The following RWDD4 variants were observed in gnomAD, a reference collection of about 807,000 sequenced individuals.
RWDD4 encodes RWD domain-containing protein 4.
Under a neutral mutation model 30.0 loss-of-function variants are expected in RWDD4, and 16 were observed. The ratio of observed to expected loss-of-function variants is 0.53; its 90% CI spans 0.36 to 0.81. RWDD4 has a LOEUF of 0.81. Ranked by LOEUF, RWDD4 falls within the 30% of genes least tolerant of loss-of-function variation. The pLI is 0.00. For missense variants in RWDD4, 170 were observed against 223.9 expected, an observed-to-expected ratio of 0.76 and a Z score of 1.54; for synonymous variants, 45 against 72.1, an observed-to-expected ratio of 0.62 and a Z score of 1.90.
chr4:183,642,713 T>A (rs1733882844), intron 7 of RWDD4, among the ~76,000 whole-genome samples: 1 of 152,156 alleles, frequency 6.6e-6, no homozygotes, highest in African/African-American at 2.4e-5. Flanking sequence ...GTATTAGTGA[T>A]GGCATCATCA....
Position 183,658,999 on chromosome 4 carries a change from C to G in RWDD4, c.-47G>C. 3.2e-6 allele frequency: 4 copies of G among 1,255,202 alleles called. No individual in the cohort carries two copies. Among genetic ancestry groups the G allele is most frequent in the Non-Finnish European group, 4.0e-6 (4 of 998,710 alleles). The allele number at this position is 1,255,202 out of a possible 1,614,324, so 77.8% of individuals were successfully genotyped here. On this transcript the variant is annotated 5_prime_UTR_variant, in exon 1 of 8. Transcript: ENST00000326397. ...CCTGAGCGGACGGCGTTCGCAACAA[C>G]GAAGAGAAAGCGAAGGCAGCGGCCC...
intron 1 of RWDD4, among the ~76,000 whole-genome samples, chr4:183,658,082 A>G (rs796884180): frequency 1.1e-4 from 17 of 152,356 alleles, no homozygotes; most frequent in African/African-American, 3.8e-4. Context: ...AGAGATTCAG[A>G]TATCAACTAG....
At chr4:183,648,101 A>G (rs1733997301) in intron 5 of RWDD4, among the ~76,000 whole-genome samples, 2 of 152,144 alleles carry the variant, frequency 1.3e-5, no homozygotes, top group African/African-American at 4.8e-5. Flanking sequence ...AAAATTAGCC[A>G]GGCATAGTGA....
chr4:183,643,357 A>G (rs765533172), intron 7 of RWDD4, among the ~76,000 whole-genome samples: 22 of 128,876 alleles, frequency 1.7e-4, no homozygotes, highest in Non-Finnish European at 3.5e-4. Context: ...CAGAGGTTGC[A>G]CTGACCTGAA....
At chr4:183,654,357 G>C (rs1173271154) in intron 2 of RWDD4, among the ~76,000 whole-genome samples, 1 of 152,166 alleles carries the variant, frequency 6.6e-6, no homozygotes, top group African/African-American at 2.4e-5. Flanking sequence ...GAGTATAAGG[G>C]GGAAGCTAAA....
chr4:183,654,778 T>A (rs1490369005), intron 2 of RWDD4, among the ~76,000 whole-genome samples: 1 of 152,182 alleles, frequency 6.6e-6, no homozygotes, highest in African/African-American at 2.4e-5. Flanking sequence ...TAAGGACTGT[T>A]AAGCTTGAAA....
intron 7 of RWDD4, among the ~76,000 whole-genome samples, chr4:183,645,425 T>C (rs1733948205): frequency 6.6e-6 from 1 of 151,960 alleles, no homozygotes; most frequent in Non-Finnish European, 1.5e-5. Flanking sequence ...AACAGAGCAT[T>C]GTTCTTGGTA....
At chr4:183,641,616 C>T (rs892124934) in intron 7 of RWDD4, 148 bp from the exon 8 acceptor site, 4 of 667,972 alleles carry the variant, frequency 6.0e-6, no homozygotes, top group Non-Finnish European at 1.1e-5. Flanking sequence ...TTTTCAACTT[C>T]AAGCTCAGCT....
At chr4:183,658,405 A>G (rs1288575490) in intron 1 of RWDD4, among the ~76,000 whole-genome samples, 1 of 152,192 alleles carries the variant, frequency 6.6e-6, no homozygotes, top group Non-Finnish European at 1.5e-5. Context: ...TTTGAGCATA[A>G]ACCATAAATT....
chr4:183,656,041 C>T lies in RWDD4; in HGVS notation c.25-80G>A, dbSNP rs536579737. On this transcript the variant is annotated intron_variant, in intron 1 of 7. Coordinates refer to ENST00000326397, the MANE Select transcript of RWDD4 (RefSeq NM_152682.4). ...GAGGGTCTTTACTTTCTCATTCAAGCCCACTCAACTATGTAAAAGCTTGAC... is the reference window on the plus strand; with the variant it reads ...GAGGGTCTTTACTTTCTCATTCAAGTCCACTCAACTATGTAAAAGCTTGAC... The T allele has an allele frequency of 4.7e-4, 432 of 916,564 alleles. 1 individual carries two copies. Among genetic ancestry groups the T allele is most frequent in the Non-Finnish European group, 7.0e-4 (401 of 569,774 alleles). The allele number at this position is 916,564 out of a possible 1,614,324, so 56.8% of individuals were successfully genotyped here.
intron 2 of RWDD4, among the ~76,000 whole-genome samples, chr4:183,652,230 CT>C (rs1734091230): frequency 6.6e-6 from 1 of 152,204 alleles, no homozygotes; most frequent in Admixed American, 6.5e-5. Context: ...CCAATCATAT[CT>C]AAAGTGTCCT....
At chr4:183,649,668 T>A in intron 4 of RWDD4, 100 bp from the exon 5 acceptor site, 2 of 591,440 alleles carry the variant, frequency 3.4e-6, no homozygotes, top group Non-Finnish European at 5.9e-6. Flanking sequence ...TTTACACTTA[T>A]GAAATAAAAG....
At chr4:183,651,158 C>T in intron 3 of RWDD4, 27 bp from the exon 4 acceptor site, 2 of 1,613,254 alleles carry the variant, frequency 1.2e-6, no homozygotes, top group Non-Finnish European at 1.7e-6. Context: ...AAATACCTTG[C>T]TGAGAGAAAA....
chr4:183,652,918 C>G (rs1446290679), intron 2 of RWDD4, among the ~76,000 whole-genome samples: 1 of 152,002 alleles, frequency 6.6e-6, no homozygotes, highest in African/African-American at 2.4e-5. Flanking sequence ...GAGACAAGGT[C>G]TTCCTATGTT....
intron 4 of RWDD4, among the ~76,000 whole-genome samples, chr4:183,649,975 G>A (rs533747214): frequency 2.6e-5 from 4 of 152,202 alleles, no homozygotes; most frequent in Non-Finnish European, 4.4e-5. Context: ...GAAAAATCAC[G>A]TGTGCCTACC....
Position 183,651,042 on chromosome 4 carries a change from T to A in RWDD4, c.305A>T (p.Glu102Val). 1 of 1,613,502 alleles carries A rather than the reference T, an allele frequency of 6.2e-7. No homozygotes were observed. Among genetic ancestry groups the A allele is most frequent in the Non-Finnish European group, 8.5e-7 (1 of 1,179,974 alleles). Residue 102 changes from glutamate to valine, a missense_variant, in exon 4 of 8, where the codon GAA (glutamate) becomes GTA (valine). Glu to Val is a moderately radical substitution (Grantham distance 121, BLOSUM62 -2). Transcript: ENST00000326397. ...CTGCTCTTTATTGTCTTTGGCATAT[T>A]CAAACAATGTATAGGTCATAGCGGT... is the stretch of plus-strand genomic sequence containing the variant. Reference protein sequence around the residue: ...LGTAMTYTLFEYAKDNKEQFM... With the variant: ...LGTAMTYTLFVYAKDNKEQFM...
chr4:183,658,839 G>A, intron 1 of RWDD4, 90 bp downstream of exon 1: 5 of 1,131,150 alleles, frequency 4.4e-6, no homozygotes, highest in Admixed American at 8.5e-5. Context: ...GGCACGTGCC[G>A]GGCAGGCTGT....
At chr4:183,657,449 A>G (rs1734221860) in intron 1 of RWDD4, among the ~76,000 whole-genome samples, 1 of 152,222 alleles carries the variant, frequency 6.6e-6, no homozygotes, top group Non-Finnish European at 1.5e-5. Context: ...TGGGACAGTG[A>G]ATAATGCTGA....
At chr4:183,643,127 A>G (rs1228097574) in intron 7 of RWDD4, among the ~76,000 whole-genome samples, 1 of 143,428 alleles carries the variant, frequency 7.0e-6, no homozygotes, top group African/African-American at 2.5e-5. Context: ...AAAAAAAAAA[A>G]AAAAGAAAAC....
Sources: allele counts gnomAD v4.1 joint callset (sites outside exome capture counted in the v4.1 genomes callset), GRCh38; gene constraint gnomAD v4.1.1; transcripts MANE v1.5; gene names NCBI Gene and HGNC (gene_info 2026-07-23, HGNC 2026-07-21).